Variants in DSE observed in about 807,000 individuals in gnomAD.
DSE encodes dermatan sulfate epimerase.
DSE carries 36 observed loss-of-function variants against 84.4 expected under a neutral mutation model. The ratio of observed to expected loss-of-function variants is 0.43; its 90% confidence interval spans 0.33 to 0.56. The LOEUF (loss-of-function observed/expected upper bound fraction) is 0.56, where lower values mean the gene tolerates loss of function less well. DSE is among the 20% of genes least tolerant of loss of function. The pLI is 0.06. For missense variants in DSE, 862 were observed against 1,169.6 expected (o/e 0.74, Z 3.84); for synonymous variants, 410 against 430.1 (o/e 0.95, Z 0.58).
chr6:116,439,184 A>G lies in DSE; in HGVS notation c.*1839A>G, dbSNP rs1159262079. The G allele has an allele frequency of 6.6e-6, 1 of 152,184 alleles. No individual in the cohort carries two copies. Among genetic ancestry groups the G allele is most frequent in the African/African-American group, 2.4e-5 (1 of 41,458 alleles). The allele number at this position is 152,184 out of a possible 1,614,324, so 9.4% of individuals were successfully genotyped here. A position where few individuals can be genotyped will look rare whatever the true frequency, so the allele number is the denominator to read the frequency against. On this transcript the variant is annotated 3_prime_UTR_variant, in exon 6 of 6. Transcript: ENST00000644252. ...GATCAAAAGGAAATTTTGAAAGAAA[A>G]AAAAAAGGAAAATTATTCTTTGAGG...
At chr6:116,284,834 A>G (rs900961245) in intron 2 of DSE, among the ~76,000 whole-genome samples, 4 of 152,068 alleles carry the variant, frequency 2.6e-5, no homozygotes, top group Non-Finnish European at 5.9e-5. Context: ...CCATGTCACT[A>G]CAAAGGACAT....
rs546459285 is a variant in DSE, at chr6:116,374,436, T to C, written c.-54+3315T>C. On this transcript the variant is annotated intron_variant, in intron 1 of 5. Coordinates refer to ENST00000644252, the MANE Select transcript of DSE (RefSeq NM_013352.4). ...CTGTTTGCTGAGGGGGCTGGATCTT[T>C]ACTATTTTGAAGGAGTGGGTAGGGC... is the stretch of plus-strand genomic sequence containing the variant. Among the ~76,000 whole-genome samples the C allele has an allele frequency of 2.6e-5, 4 of 152,268 alleles. No individual in the cohort carries two copies. The South Asian group carries it at 6.2e-4, about 24-fold the overall frequency.
chr6:116,279,352 C>A (rs745917630), intron 2 of DSE: 1 of 1,611,708 alleles, frequency 6.2e-7, no homozygotes, highest in Non-Finnish European at 8.5e-7. Flanking sequence ...GACGGTGGCG[C>A]ACTTTCCTGT....
At chr6:116,259,029 G>A (rs879031152) in intron 2 of DSE, 118 of 1,511,804 alleles carry the variant, frequency 7.8e-5, no homozygotes, top group Admixed American at 1.9e-4. Flanking sequence ...TGTCACTGAT[G>A]TGCACATCAT....
At chr6:116,392,690 T>C (rs1780985417) in intron 1 of DSE, among the ~76,000 whole-genome samples, 1 of 152,220 alleles carries the variant, frequency 6.6e-6, no homozygotes, top group Admixed American at 6.5e-5. Context: ...GTAGCGATCT[T>C]AACTGGTCAA....
chr6:116,387,058 G>A (rs1327758243), intron 1 of DSE, among the ~76,000 whole-genome samples: 1 of 152,208 alleles, frequency 6.6e-6, no homozygotes. Context: ...AGTGAGGTTA[G>A]TAGTACTTTT....
intron 2 of DSE, among the ~76,000 whole-genome samples, chr6:116,311,019 G>GCT (rs1299978728): frequency 6.6e-6 from 1 of 152,176 alleles, no homozygotes; most frequent in African/African-American, 2.4e-5. Flanking sequence ...AGTGTGCCAT[G>GCT]CTCCTCCTCA....
chr6:116,273,623 TTG>T (rs1772979361), intron 2 of DSE, among the ~76,000 whole-genome samples: 3 of 152,136 alleles, frequency 2.0e-5, no homozygotes, highest in Admixed American at 2.0e-4. Flanking sequence ...CTGAGTTTGC[TTG>T]TGTGCAGTAG....
chr6:116,429,405 A>G (rs573619567), intron 3 of DSE, among the ~76,000 whole-genome samples: 1 of 152,328 alleles, frequency 6.6e-6, no homozygotes, highest in South Asian at 2.1e-4. Context: ...TTGTGGAAGT[A>G]AAGCAATGTG....
intron 2 of DSE, among the ~76,000 whole-genome samples, chr6:116,338,726 A>G (rs1445163627): frequency 6.6e-6 from 1 of 152,186 alleles, no homozygotes; most frequent in Non-Finnish European, 1.5e-5. Flanking sequence ...AGCTTATTCT[A>G]TTTACAAAGT....
intron 2 of DSE, among the ~76,000 whole-genome samples, chr6:116,304,501 A>G (rs1775230777): frequency 6.6e-6 from 1 of 152,182 alleles, no homozygotes; most frequent in African/African-American, 2.4e-5. Context: ...AACATTGAAT[A>G]TTTACAGTGT....
chr6:116,343,569 C>G (rs1165717390), intron 2 of DSE, among the ~76,000 whole-genome samples: 1 of 152,218 alleles, frequency 6.6e-6, no homozygotes, highest in Non-Finnish European at 1.5e-5. Context: ...TCCAACAGAC[C>G]TGCAGCTGAG....
At chr6:116,404,856 CA>C (rs917012769) in intron 2 of DSE, among the ~76,000 whole-genome samples, 8 of 152,096 alleles carry the variant, frequency 5.3e-5, no homozygotes, top group African/African-American at 1.9e-4. Context: ...TACTTATCAT[CA>C]GACAGAAAAT....
chr6:116,364,375 A>G (rs2114888853), intron 2 of DSE, among the ~76,000 whole-genome samples: 1 of 152,378 alleles, frequency 6.6e-6, no homozygotes, highest in Non-Finnish European at 1.5e-5. Context: ...TCACTAGACT[A>G]CATACTTAAG....
chr6:116,416,903 T>C (rs1782752411), intron 2 of DSE, among the ~76,000 whole-genome samples: 2 of 152,186 alleles, frequency 1.3e-5, no homozygotes, highest in Admixed American at 6.5e-5. Context: ...ATGTTAGGCA[T>C]TTAAAATATC....
chr6:116,374,285 C>G (rs1779787748), intron 1 of DSE, among the ~76,000 whole-genome samples: 1 of 152,140 alleles, frequency 6.6e-6, no homozygotes, highest in Non-Finnish European at 1.5e-5. Context: ...TTCACCACCC[C>G]ACTGCCCCTT....
At position 116,323,379 on chromosome 6, in the gene DSE, G is replaced by T. The variant is rs575343895; in HGVS notation, c.-54+64412G>T. Among the ~76,000 whole-genome samples the T allele has an allele frequency of 2.6e-4, 39 of 152,136 alleles. No homozygotes were observed. In the South Asian group the frequency reaches 8.1e-3, roughly 32 times the overall value. On this transcript the variant is annotated intron_variant, in intron 2 of 3. Transcript: ENST00000430252. ...TACTGTTAAGCTAATAATTAATTTG[G>T]ATTTCTATTTTTTTATTGAGTAGTG...
chr6:116,376,934 AATGT>A (rs1779962386), intron 1 of DSE, among the ~76,000 whole-genome samples: 1 of 152,210 alleles, frequency 6.6e-6, no homozygotes, highest in South Asian at 2.1e-4. Context: ...TTTGCAACTG[AATGT>A]ATGTGTCTGC....
chr6:116,343,631 T>A (rs1423961722), intron 2 of DSE, among the ~76,000 whole-genome samples: 3 of 151,760 alleles, frequency 2.0e-5, no homozygotes, highest in Non-Finnish European at 3.0e-5. Flanking sequence ...ATCCACACTA[T>A]CACCATCATC....
Sources: gnomAD v4.1 joint callset for allele counts (sites outside exome capture counted in the v4.1 genomes callset) on GRCh38, gnomAD v4.1.1 for gene constraint, MANE v1.5 for transcripts, NCBI Gene and HGNC (gene_info 2026-07-23, HGNC 2026-07-21) for gene names.